Variants in VWA8 observed in about 807,000 individuals in gnomAD.
The protein encoded by VWA8 is von Willebrand factor A domain-containing protein 8.
Under a neutral mutation model 241.5 loss-of-function variants are expected in VWA8, and 221 were observed. The ratio of observed to expected loss-of-function variants is 0.91; its 90% confidence interval spans 0.82 to 1.02. The LOEUF is 1.02. Among genes scored for constraint, VWA8 ranks in the 50% least tolerant of loss-of-function variants. VWA8 has a pLI of 0.00. For synonymous variants in VWA8, 852 were observed against 827.1 expected (o/e 1.03, Z -0.52); for missense variants, 2,322 against 2,328.7 (o/e 1.00, Z 0.06).
chr13:41,920,501 C>CT (rs1876468635), intron 2 of VWA8, among the ~76,000 whole-genome samples: 1 of 152,012 alleles, frequency 6.6e-6, no homozygotes, highest in African/African-American at 2.4e-5. Context: ...AATCCAGAAG[C>CT]TGGTTTTTTG....
chr13:41,764,913 G>A (rs1316791252), intron 20 of VWA8, among the ~76,000 whole-genome samples: 2 of 152,018 alleles, frequency 1.3e-5, no homozygotes, highest in Admixed American at 6.6e-5. Context: ...GGAATGGTAC[G>A]GTGGAGTCTG....
intron 21 of VWA8, among the ~76,000 whole-genome samples, chr13:41,736,646 T>G (rs2045526908): frequency 6.6e-6 from 1 of 151,950 alleles, no homozygotes; most frequent in African/African-American, 2.4e-5. Flanking sequence ...TAGTTAAACA[T>G]AAGAGTAAAG....
At chr13:41,932,109 C>A (rs917128092) in intron 2 of VWA8, among the ~76,000 whole-genome samples, 2 of 151,738 alleles carry the variant, frequency 1.3e-5, no homozygotes, top group Non-Finnish European at 2.9e-5. Context: ...TCATGAATGA[C>A]AGAGAGACAG....
At chr13:41,848,055 T>TGG (rs1872366200) in intron 12 of VWA8, among the ~76,000 whole-genome samples, 1 of 152,092 alleles carries the variant, frequency 6.6e-6, no homozygotes, top group Non-Finnish European at 1.5e-5. Flanking sequence ...AAAAAACAAA[T>TGG]GATGGAATAT....
intron 15 of VWA8, among the ~76,000 whole-genome samples, chr13:41,818,342 G>C (rs895756067): frequency 1.3e-5 from 2 of 151,038 alleles, no homozygotes; most frequent in African/African-American, 4.9e-5. Flanking sequence ...AGGCCAAGGG[G>C]GGGTGGATCA....
chr13:41,906,281 A>G lies in VWA8; in HGVS notation c.483+1305T>C, dbSNP rs182922177. ...GTGCCCATGCTAAAGTTTCAAATGTAAAGAACTACGAAAGTCTCTTCCTTA... is the reference window on the plus strand; with the variant it reads ...GTGCCCATGCTAAAGTTTCAAATGTGAAGAACTACGAAAGTCTCTTCCTTA... On this transcript the variant is annotated intron_variant, in intron 4 of 44. Transcript: ENST00000379310. 5.6e-4 allele frequency among the ~76,000 whole-genome samples: 86 copies of G among 152,256 alleles called. 2 individuals are homozygous for G. Among genetic ancestry groups the G allele is most frequent in the African/African-American group, 2.0e-3 (82 of 41,580 alleles).
intron 20 of VWA8, among the ~76,000 whole-genome samples, chr13:41,765,919 G>A (rs937271355): frequency 2.0e-5 from 3 of 152,176 alleles, no homozygotes; most frequent in African/African-American, 7.2e-5. Flanking sequence ...AATCTCATGA[G>A]AATGACGCTA....
At chr13:41,677,903 A>G (rs2045071396) in intron 35 of VWA8, among the ~76,000 whole-genome samples, 1 of 152,222 alleles carries the variant, frequency 6.6e-6, no homozygotes, top group African/African-American at 2.4e-5. Flanking sequence ...AAAAAACAAG[A>G]AACTTGACAT....
At chr13:41,596,851 A>T (rs932593467) in intron 40 of VWA8, among the ~76,000 whole-genome samples, 5 of 151,778 alleles carry the variant, frequency 3.3e-5, no homozygotes, top group Admixed American at 6.6e-5. Flanking sequence ...CACTAAAGAC[A>T]GAATAAATAA....
intron 24 of VWA8, among the ~76,000 whole-genome samples, chr13:41,722,974 C>G (rs1043659837): frequency 6.6e-6 from 1 of 152,114 alleles, no homozygotes; most frequent in Non-Finnish European, 1.5e-5. Flanking sequence ...TGTACCTCTA[C>G]TCAGAATACA....
chr13:41,572,928 T>C lies in VWA8; in HGVS notation c.5371-2222A>G, dbSNP rs1201114666. ...TTCGAGACCGGCCTGGCCGGCATGG[T>C]GGAACCCTGTCTCTACTAAAAATAC... On this transcript the variant is annotated intron_variant, in intron 43 of 44. Coordinates refer to ENST00000379310, the MANE Select transcript of VWA8 (RefSeq NM_015058.2). 7.9e-3 allele frequency among the ~76,000 whole-genome samples: 1,065 copies of C among 134,400 alleles called. 16 individuals carry two copies. Among genetic ancestry groups the C allele is most frequent in the African/African-American group, 0.03 (1,005 of 33,050 alleles). The allele number at this position is 134,400 out of a possible 152,430, so 88.2% of individuals were successfully genotyped here.
chr13:41,808,080 C>A (rs1870300072), intron 17 of VWA8: 1 of 151,960 alleles, frequency 6.6e-6, no homozygotes, highest in Non-Finnish European at 1.5e-5. Flanking sequence ...TTATATCAGA[C>A]AAAATAGACT....
chr13:41,723,586 T>C (rs970612201), intron 24 of VWA8, among the ~76,000 whole-genome samples: 1 of 152,146 alleles, frequency 6.6e-6, no homozygotes, highest in African/African-American at 2.4e-5. Context: ...GAAAGTAAGA[T>C]AATTCTGAAT....
chr13:41,576,015 A>C (rs1208619123), intron 42 of VWA8, among the ~76,000 whole-genome samples, 177 bp from the exon 43 acceptor site: 1 of 152,202 alleles, frequency 6.6e-6, no homozygotes, highest in Non-Finnish European at 1.5e-5. Flanking sequence ...GTACATGAGA[A>C]ACTCTTGTCT....
At chr13:41,609,745 T>TA (rs2044575309) in intron 39 of VWA8, among the ~76,000 whole-genome samples, 1 of 152,168 alleles carries the variant, frequency 6.6e-6, no homozygotes, top group Non-Finnish European at 1.5e-5. Context: ...CTTTCTCTCC[T>TA]TTCTCACACG....
At chr13:41,872,723 T>A (rs1219468493) in intron 9 of VWA8, among the ~76,000 whole-genome samples, 2 of 152,190 alleles carry the variant, frequency 1.3e-5, no homozygotes, top group Middle Eastern at 3.4e-3. Flanking sequence ...TGTAGTATAG[T>A]TTGAAGTCAG....
chr13:41,942,272 T>G (rs1454004995), intron 2 of VWA8, among the ~76,000 whole-genome samples: 1 of 152,134 alleles, frequency 6.6e-6, no homozygotes, highest in East Asian at 1.9e-4. Context: ...CCACTTCCAG[T>G]TAGGATGAAA....
At chr13:41,725,791 C>G (rs1379452578) in intron 24 of VWA8, among the ~76,000 whole-genome samples, 1 of 152,120 alleles carries the variant, frequency 6.6e-6, no homozygotes, top group Non-Finnish European at 1.5e-5. Flanking sequence ...AGAACTCAAA[C>G]CTCTTTACAA....
rs111399580 is a variant in VWA8 at position 41,955,180 on chromosome 13, G to A, written c.164-5167C>T. On this transcript the variant is annotated intron_variant, in intron 1 of 44. Transcript: ENST00000379310. ...AGTCAAGCCATCTATAATGATTTAA[G>A]TGAGGTAGTTTACTCTCTAAAGGGG... is the stretch of plus-strand genomic sequence containing the variant. Among the ~76,000 whole-genome samples the A allele has an allele frequency of 6.3e-3, 961 of 152,240 alleles. 8 individuals are homozygous for A. Among genetic ancestry groups the A allele is most frequent in the African/African-American group, 0.022 (918 of 41,532 alleles).
Sources: allele counts gnomAD v4.1 joint callset (sites outside exome capture counted in the v4.1 genomes callset), GRCh38; gene constraint gnomAD v4.1.1; transcripts MANE v1.5; gene names NCBI Gene and HGNC (gene_info 2026-07-23, HGNC 2026-07-21).